CKAP5: variants seen among roughly 807,000 people sequenced by gnomAD.
CKAP5 encodes cytoskeleton associated protein 5.
A neutral mutation model predicts 232.8 loss-of-function variants in CKAP5; 27 were observed. That is an observed-to-expected ratio of 0.12 (90% CI 0.09 to 0.16). The LOEUF (loss-of-function observed/expected upper bound fraction) is 0.16. Ranked by LOEUF, CKAP5 falls within the 10% of genes least tolerant of loss-of-function variation. CKAP5 has a pLI of 1.00. For missense variants in CKAP5, 1,838 were observed against 2,424.7 expected (o/e 0.76, Z 5.08); for synonymous variants, 785 against 841.1 (o/e 0.93, Z 1.16).
chr11:46,803,978 C>T (rs59754189), intron 8 of CKAP5, among the ~76,000 whole-genome samples: 2,471 of 152,266 alleles, frequency 0.016, 80 homozygotes, highest in African/African-American at 0.056. Context: ...CCCATTCCAA[C>T]AAATTCTAGT....
chr11:46,748,541 G>T (rs748239566), intron 42 of CKAP5, among the ~76,000 whole-genome samples: 4 of 152,040 alleles, frequency 2.6e-5, no homozygotes, highest in African/African-American at 4.8e-5. Flanking sequence ...TTGGGAGGCC[G>T]AAGTGGGCGG....
chr11:46,784,432 A>C, intron 17 of CKAP5, 56 bp downstream of exon 17: 2 of 1,410,832 alleles, frequency 1.4e-6, no homozygotes, highest in Non-Finnish European at 2.0e-6. Context: ...AGTAAGCTTA[A>C]AGTTTGGGGG....
intron 1 of CKAP5, among the ~76,000 whole-genome samples, chr11:46,822,088 G>T (rs1468644797): frequency 1.3e-5 from 2 of 151,904 alleles, no homozygotes; most frequent in Non-Finnish European, 1.5e-5. Context: ...ATTGCAGTCT[G>T]GGCAACATGG....
intron 28 of CKAP5, among the ~76,000 whole-genome samples, chr11:46,764,452 TAC>T (rs1286938726): frequency 6.6e-6 from 1 of 152,118 alleles, no homozygotes; most frequent in Non-Finnish European, 1.5e-5. Flanking sequence ...CACACATATA[TAC>T]ACAGATACGA....
chr11:46,823,625 T>TA (rs1398692969), intron 1 of CKAP5, among the ~76,000 whole-genome samples: 3 of 152,162 alleles, frequency 2.0e-5, no homozygotes, highest in East Asian at 3.9e-4. Context: ...TCTCACTCTG[T>TA]CACCCAGGCT....
chr11:46,781,514 C>T (rs868083969), intron 18 of CKAP5, among the ~76,000 whole-genome samples: 2 of 152,166 alleles, frequency 1.3e-5, no homozygotes, highest in South Asian at 4.1e-4. Flanking sequence ...CTAGCTTTAT[C>T]TCCTACCACT....
At chr11:46,821,128 CA>C (rs778963918) in intron 2 of CKAP5, 46 bp downstream of exon 2, 3 of 1,437,192 alleles carry the variant, frequency 2.1e-6, no homozygotes, top group Non-Finnish European at 2.0e-6. Flanking sequence ...TAACTGCTCA[CA>C]AAACAAGCCA....
At chr11:46,762,520 A>G (rs771816685) in intron 31 of CKAP5, 107 bp downstream of exon 31, 2 of 1,364,356 alleles carry the variant, frequency 1.5e-6, no homozygotes, top group South Asian at 2.3e-5. Flanking sequence ...GGAGGTTGGA[A>G]TCAACTACAT....
At chr11:46,758,737 C>A in intron 35 of CKAP5, 186 bp downstream of exon 35, 4 of 526,750 alleles carry the variant, frequency 7.6e-6, no homozygotes, top group Admixed American at 3.8e-5. Context: ...AAAAATAAGG[C>A]TCTATTAGAG....
intron 1 of CKAP5, among the ~76,000 whole-genome samples, chr11:46,842,966 CAAAAAAAAAAAAAA>C (rs60343444): frequency 3.6e-4 from 14 of 39,430 alleles, no homozygotes; most frequent in East Asian, 6.6e-4. Flanking sequence ...GACTCCGTCT[CAAAAAAAAAAAAAA>C]AAAAAAAAAA....
intron 42 of CKAP5, among the ~76,000 whole-genome samples, chr11:46,746,754 A>C (rs2065025132): frequency 6.6e-6 from 1 of 152,240 alleles, no homozygotes; most frequent in Non-Finnish European, 1.5e-5. Context: ...AACACTGTAC[A>C]CTTAGGCTAC....
chr11:46,837,570 T>C lies in CKAP5; in HGVS notation c.-38+8650A>G, dbSNP rs144939310. On this transcript the variant is annotated intron_variant, in intron 1 of 43. Coordinates refer to ENST00000529230, the MANE Select transcript of CKAP5 (RefSeq NM_001008938.4). ...TCTCCAATAAGGGAACCAGGGCACC[T>C]TGGGGAAATGGCTGATTCTAGCACT... is the stretch of plus-strand genomic sequence containing the variant. Among the ~76,000 whole-genome samples the C allele has an allele frequency of 1.9e-3, 286 of 152,238 alleles. 1 individual carries two copies. Among genetic ancestry groups the C allele is most frequent in the African/African-American group, 6.7e-3 (280 of 41,530 alleles).
chr11:46,762,887 T>A, intron 30 of CKAP5, 89 bp downstream of exon 30: 2 of 1,449,040 alleles, frequency 1.4e-6, no homozygotes, highest in South Asian at 1.2e-5. Context: ...CGTGATATAA[T>A]CAGTAAAAAA....
chr11:46,822,429 A>G (rs1490746754), intron 1 of CKAP5, among the ~76,000 whole-genome samples: 1 of 152,178 alleles, frequency 6.6e-6, no homozygotes, highest in African/African-American at 2.4e-5. Flanking sequence ...GGAAAAAGTC[A>G]TACTTTCACC....
chr11:46,819,419 A>G (rs1233134547), intron 2 of CKAP5, among the ~76,000 whole-genome samples: 1 of 152,190 alleles, frequency 6.6e-6, no homozygotes, highest in East Asian at 1.9e-4. Flanking sequence ...GCCAAAGAAA[A>G]GATTCCACTC....
intron 1 of CKAP5, among the ~76,000 whole-genome samples, chr11:46,830,516 C>T (rs543419178): frequency 6.6e-6 from 1 of 151,628 alleles, no homozygotes; most frequent in Admixed American, 6.6e-5. Context: ...CCAGCAGCCA[C>T]CAGAAGCTGG....
chr11:46,835,241 C>T (rs1411086253), intron 1 of CKAP5, among the ~76,000 whole-genome samples: 1 of 151,826 alleles, frequency 6.6e-6, no homozygotes, highest in East Asian at 1.9e-4. Flanking sequence ...TAATCATCCA[C>T]CATTATCCTT....
chr11:46,832,027 A>G (rs781405737), intron 1 of CKAP5, among the ~76,000 whole-genome samples: 7 of 150,386 alleles, frequency 4.7e-5, no homozygotes, highest in East Asian at 2.0e-4. Flanking sequence ...ACCATGCCCA[A>G]CTTTTTTACT....
chr11:46,754,844 T>G, intron 36 of CKAP5, 44 bp downstream of exon 36: 19 of 1,559,794 alleles, frequency 1.2e-5, no homozygotes, highest in Non-Finnish European at 1.7e-5. Flanking sequence ...CTCTGTAGGC[T>G]GAGAGATTGA....
Sources: gnomAD v4.1 joint callset for allele counts (sites outside exome capture counted in the v4.1 genomes callset) on GRCh38, gnomAD v4.1.1 for gene constraint, MANE v1.5 for transcripts, NCBI Gene and HGNC (gene_info 2026-07-23, HGNC 2026-07-21) for gene names.